The following KIAA1671 variants were observed in gnomAD, a reference collection of about 807,000 sequenced individuals.
The protein encoded by KIAA1671 is uncharacterized protein KIAA1671.
A neutral mutation model predicts 131.2 loss-of-function variants in KIAA1671; 52 were observed. That is an observed-to-expected ratio of 0.40 (90% CI 0.32 to 0.50). KIAA1671 has a LOEUF of 0.50. Ranked by LOEUF, KIAA1671 falls within the 20% of genes least tolerant of loss-of-function variation. The pLI, the probability that KIAA1671 is intolerant of heterozygous loss-of-function variation, is 0.73. For missense variants in KIAA1671, 2,360 were observed against 2,364.2 expected, an observed-to-expected ratio of 1.00 and a Z score of 0.04; for synonymous variants, 1,003 against 961.6, an observed-to-expected ratio of 1.04 and a Z score of -0.80.
At chr22:25,004,822 T>C (rs1339527527) in intron 1 of KIAA1671, among the ~76,000 whole-genome samples, 1 of 151,636 alleles carries the variant, frequency 6.6e-6, no homozygotes, top group Non-Finnish European at 1.5e-5. Flanking sequence ...GGCGGGCACC[T>C]GTAGTCCCAG....
chr22:25,039,514 G>A lies in KIAA1671; in HGVS notation c.2384G>A (p.Arg795Lys). The change falls in exon 5 of 13, where the codon AGG (arginine) becomes AAG (lysine). Residue 795 changes from arginine (R) to lysine (K), a missense_variant. Physicochemically the swap from Arg to Lys is conservative, Grantham distance 26. Transcript: ENST00000358431. ...GAAGGTCAGGCGGGGTCCGTCCAAA[G>A]GGCCAGTTTGATTTGGGAAGCTCGA... is the stretch of plus-strand genomic sequence containing the variant. ...GLEGQAGSVQ[R>K]ASLIWEARGM... The A allele has an allele frequency of 6.4e-7, 1 of 1,551,820 alleles. No individual in the cohort carries two copies. The highest frequency in any genetic ancestry group is 1.2e-5 in the South Asian group (1 of 84,068).
At chr22:24,977,115 C>T (rs1056431377) in intron 1 of KIAA1671, among the ~76,000 whole-genome samples, 3 of 152,134 alleles carry the variant, frequency 2.0e-5, no homozygotes, top group Non-Finnish European at 4.4e-5. Flanking sequence ...AGCCCAGTGC[C>T]GGGCATGTTG....
intron 6 of KIAA1671, chr22:25,055,809 GAT>G (rs1445032718): frequency 6.7e-6 from 1 of 148,646 alleles, no homozygotes; most frequent in African/African-American, 2.5e-5. Flanking sequence ...GATAGATATA[GAT>G]ATAGATATAG....
At position 25,073,586 on chromosome 22, in the gene KIAA1671, C is replaced by G. The variant is rs549865870; in HGVS notation, c.4530+24222C>G. ...AAATTTCCAGTATATAATACAATAC[C>G]ATTAACTATAGTCACTATGCTTCAG... On this transcript the variant is annotated intron_variant, in intron 6 of 12. Coordinates refer to ENST00000358431, the MANE Select transcript of KIAA1671 (RefSeq NM_001145206.2). 2.6e-5 allele frequency among the ~76,000 whole-genome samples: 4 copies of G among 152,254 alleles called. No individual in the cohort carries two copies. In the East Asian group the frequency reaches 7.7e-4, roughly 29 times the overall value.
intron 9 of KIAA1671, chr22:25,179,455 C>T (rs1934184544): frequency 1.2e-6 from 2 of 1,613,356 alleles, no homozygotes; most frequent in Admixed American, 1.7e-5. Flanking sequence ...TCTCCTCCGC[C>T]TGGCGGCTGA....
intron 9 of KIAA1671, among the ~76,000 whole-genome samples, chr22:25,181,447 T>C (rs1347716304): frequency 6.6e-6 from 1 of 152,218 alleles, no homozygotes; most frequent in Non-Finnish European, 1.5e-5. Flanking sequence ...GAGATGGGTT[T>C]GCCTCTGTCC....
intron 6 of KIAA1671, among the ~76,000 whole-genome samples, chr22:25,120,299 C>A (rs1931868374): frequency 6.6e-6 from 1 of 152,248 alleles, no homozygotes; most frequent in South Asian, 2.1e-4. Context: ...GATGTCACTT[C>A]ATTCTCTGCT....
chr22:25,077,518 C>T (rs1929176764), intron 6 of KIAA1671, among the ~76,000 whole-genome samples: 1 of 152,224 alleles, frequency 6.6e-6, no homozygotes, highest in Non-Finnish European at 1.5e-5. Context: ...CTCTCGCAGG[C>T]TTCCTCTACT....
intron 6 of KIAA1671, among the ~76,000 whole-genome samples, chr22:25,115,279 G>A (rs905276597): frequency 7.9e-5 from 12 of 152,312 alleles, no homozygotes; most frequent in Admixed American, 2.6e-4. Context: ...AGGAACAATG[G>A]CAGTGGCACA....
In KIAA1671 at chr22:25,177,441, C is replaced by T. The variant is rs528583782; in HGVS notation, c.4993C>T (p.Arg1665Cys). The T allele has an allele frequency of 5.8e-6, 9 of 1,551,770 alleles. No individual in the cohort carries two copies. Among genetic ancestry groups the T allele is most frequent in the African/African-American group, 2.7e-5 (2 of 73,186 alleles). Reference protein sequence around the residue: ...RRAPISHSLRRSRFSESESRS... With the variant: ...RRAPISHSLRCSRFSESESRS... Reference sequence around the variant, plus strand: ...GGCCCCCATCTCCCACTCCCTCCGGCGCAGCCGATTTAGTGAGTCCGAGAG... The same window carrying T: ...GGCCCCCATCTCCCACTCCCTCCGGTGCAGCCGATTTAGTGAGTCCGAGAG... Residue 1665 changes from arginine to cysteine, a missense_variant, in exon 9 of 13, where the codon CGC (arginine) becomes TGC (cysteine). Arg to Cys is a radical substitution (Grantham distance 180). This residue lies in a region of KIAA1671 where 1,161 missense variants were observed against 1,204.7 expected (regional missense o/e 0.96). Coordinates refer to ENST00000358431, the MANE Select transcript of KIAA1671 (RefSeq NM_001145206.2).
chr22:24,969,230 T>C (rs1922471834), intron 1 of KIAA1671, among the ~76,000 whole-genome samples: 1 of 152,186 alleles, frequency 6.6e-6, no homozygotes, highest in Non-Finnish European at 1.5e-5. Context: ...TTTCAAAATG[T>C]AGTTGTCCCT....
At chr22:25,153,075 CT>C (rs1173199081) in intron 6 of KIAA1671, among the ~76,000 whole-genome samples, 6 of 152,144 alleles carry the variant, frequency 3.9e-5, no homozygotes, top group Non-Finnish European at 4.4e-5. Context: ...CATTTTTTCC[CT>C]AGTTGCCTTC....
intron 6 of KIAA1671, among the ~76,000 whole-genome samples, chr22:25,156,012 CTT>C (rs57822676): frequency 1.3e-3 from 45 of 35,328 alleles, no homozygotes; most frequent in South Asian, 4.8e-3. Flanking sequence ...TGTGTATGTG[CTT>C]TTTTTTTTTT....
At chr22:24,997,068 A>T (rs911399917) in intron 1 of KIAA1671, among the ~76,000 whole-genome samples, 17 of 152,182 alleles carry the variant, frequency 1.1e-4, no homozygotes. Flanking sequence ...TTATTTTCTC[A>T]TGTAAACATT....
chr22:25,091,665 A>T (rs1304587027), intron 6 of KIAA1671, among the ~76,000 whole-genome samples: 2 of 152,196 alleles, frequency 1.3e-5, no homozygotes, highest in African/African-American at 4.8e-5. Flanking sequence ...GCTACGGGTA[A>T]TACAGTGAAT....
At chr22:25,097,577 A>T (rs1930448474) in intron 6 of KIAA1671, among the ~76,000 whole-genome samples, 2 of 152,108 alleles carry the variant, frequency 1.3e-5, no homozygotes, top group South Asian at 4.1e-4. Context: ...CGTCTCTACT[A>T]AAAATACAAA....
chr22:24,962,164 T>C (rs1040779906), intron 1 of KIAA1671, among the ~76,000 whole-genome samples: 1 of 152,064 alleles, frequency 6.6e-6, no homozygotes, highest in African/African-American at 2.4e-5. Flanking sequence ...CTGTAGCCAG[T>C]AGAGTGAGAG....
intron 6 of KIAA1671, among the ~76,000 whole-genome samples, chr22:25,134,462 T>A (rs965339715): frequency 2.0e-5 from 3 of 152,202 alleles, no homozygotes; most frequent in African/African-American, 7.2e-5. Context: ...TTATTGTTTT[T>A]AAAAGTACTG....
At chr22:25,138,858 A>T (rs1932762403) in intron 6 of KIAA1671, among the ~76,000 whole-genome samples, 1 of 152,204 alleles carries the variant, frequency 6.6e-6, no homozygotes, top group African/African-American at 2.4e-5. Context: ...GGCAACATTT[A>T]TCGAGTGTCT....
Sources: gnomAD v4.1 joint callset for allele counts (sites outside exome capture counted in the v4.1 genomes callset) on GRCh38, gnomAD v4.1.1 for gene constraint, gnomAD v4.1.1 regional missense constraint, MANE v1.5 for transcripts, NCBI Gene and HGNC (gene_info 2026-07-23, HGNC 2026-07-21) for gene names.